The following NCKAP1L variants were observed in gnomAD, a reference collection of about 807,000 sequenced individuals.
NCKAP1L encodes nck-associated protein 1-like.
A neutral mutation model predicts 139.2 loss-of-function variants in NCKAP1L; 53 were observed. The ratio of observed to expected loss-of-function variants is 0.38; its 90% CI spans 0.31 to 0.48. The LOEUF (loss-of-function observed/expected upper bound fraction) is 0.48. Ranked by LOEUF, NCKAP1L falls within the 20% of genes least tolerant of loss-of-function variation. The pLI, the probability that NCKAP1L is intolerant of heterozygous loss-of-function variation, is 0.98. For synonymous variants in NCKAP1L, 468 were observed against 499.7 expected (o/e 0.94, Z 0.85); for missense variants, 1,151 against 1,381.9 (o/e 0.83, Z 2.65).
chr12:54,517,920 G>T lies in NCKAP1L; in HGVS notation c.1320G>T (p.Val440=). 6.2e-7 allele frequency: 1 copy of T among 1,614,114 alleles called. No individual in the cohort carries two copies. Among genetic ancestry groups the T allele is most frequent in the Non-Finnish European group, 8.5e-7 (1 of 1,180,034 alleles). The change falls in exon 13 of 31, where the codon GTG becomes GTT. Residue 440 remains valine (V), a synonymous_variant. Coordinates refer to ENST00000293373, the MANE Select transcript of NCKAP1L (RefSeq NM_005337.5). ...ACTTGGCAAGATTTGATGCTCTTGTGCTCAGTGACATCATTCAGGTATGAT... is the reference window on the plus strand; with the variant it reads ...ACTTGGCAAGATTTGATGCTCTTGTTCTCAGTGACATCATTCAGGTATGAT... ...LQYLARFDAL[V]LSDIIQNLSV...
chr12:54,536,967 T>C lies in NCKAP1L; in HGVS notation c.3097T>C (p.Leu1033=), dbSNP rs1957118629. The change falls in exon 29 of 31, where the codon TTG becomes CTG. Residue 1033 remains leucine (L), a synonymous_variant. Coordinates refer to ENST00000293373, the MANE Select transcript of NCKAP1L (RefSeq NM_005337.5). ...AGGTTACAACAACAATATTCATTGC[T>C]TGACCAAAGCCATCATCCAGGTGTC... The part of the protein sequence containing the change: ...KDGYNNNIHC[L]TKAIIQVSAA... 6.2e-7 allele frequency: 1 copy of C among 1,613,110 alleles called. No individual in the cohort carries two copies. The highest frequency in any genetic ancestry group is 1.1e-5 in the South Asian group (1 of 91,082).
rs766313854 is a variant in NCKAP1L at position 54,518,639 on chromosome 12, C to T, written c.1339-12C>T. The T allele has an allele frequency of 1.9e-6, 3 of 1,612,600 alleles. No individual in the cohort carries two copies. Among genetic ancestry groups the T allele is most frequent in the Non-Finnish European group, 2.5e-6 (3 of 1,178,578 alleles). On this transcript the variant is annotated splice_polypyrimidine_tract_variant and intron_variant, in intron 13 of 30. Transcript: ENST00000293373. ...TGTGCCCACTTGACAGTAACTGCAGCTCCTTTTTTAGAACTTGTCTGTGTG... is the reference window on the plus strand; with the variant it reads ...TGTGCCCACTTGACAGTAACTGCAGTTCCTTTTTTAGAACTTGTCTGTGTG...
rs1183198979 is a variant in NCKAP1L, at chr12:54,544,344, A to T, written c.*1659A>T. ...AGATCCCTCCTCCATCTGCATCTGC[A>T]TATAGAACTGCTTAAGAGGACAGCA... On this transcript the variant is annotated 3_prime_UTR_variant, in exon 31 of 31. Coordinates refer to ENST00000293373, the MANE Select transcript of NCKAP1L (RefSeq NM_005337.5). 6.6e-6 allele frequency: 1 copy of T among 152,184 alleles called. No individual in the cohort carries two copies. Among genetic ancestry groups the T allele is most frequent in the Non-Finnish European group, 1.5e-5 (1 of 68,020 alleles). 9.4% of individuals were successfully genotyped at this position (152,184 alleles called of 1,614,324 possible).
chr12:54,529,459 T>C (rs890874040), intron 22 of NCKAP1L, among the ~76,000 whole-genome samples: 1 of 152,204 alleles, frequency 6.6e-6, no homozygotes, highest in South Asian at 2.1e-4. Context: ...TCAGGGACGC[T>C]GCATAGTATC....
chr12:54,509,614 A>G, intron 5 of NCKAP1L, 55 bp from the exon 6 acceptor site: 18 of 1,216,884 alleles, frequency 1.5e-5, no homozygotes, highest in Admixed American at 1.7e-5. Flanking sequence ...CAAACATAAG[A>G]GTTCAAGTCA....
chr12:54,508,274 T>C, intron 4 of NCKAP1L, 115 bp from the exon 5 acceptor site: 1 of 1,120,656 alleles, frequency 8.9e-7, no homozygotes, highest in Non-Finnish European at 1.3e-6. Context: ...CAGTTCCTAC[T>C]TCTAAATAGA....
At chr12:54,517,490 T>C in intron 11 of NCKAP1L, 43 bp from the exon 12 acceptor site, 2 of 1,351,926 alleles carry the variant, frequency 1.5e-6, no homozygotes, top group Non-Finnish European at 2.1e-6. Flanking sequence ...TTGAAATCCA[T>C]TTTTAAAGTT....
chr12:54,503,024 C>A (rs75714972), intron 3 of NCKAP1L, among the ~76,000 whole-genome samples: 15,207 of 145,440 alleles, frequency 0.1, 1,006 homozygotes, highest in South Asian at 0.16. Context: ...AAAAAAGAAA[C>A]AAAACCCCAC....
chr12:54,535,306 A>T (rs560897069), intron 27 of NCKAP1L, 109 bp downstream of exon 27: 18 of 797,106 alleles, frequency 2.3e-5, no homozygotes, highest in Non-Finnish European at 3.5e-5. Context: ...ATATATTCAG[A>T]GGATATAAGC....
Position 54,508,385 on chromosome 12 carries a change from G to A in NCKAP1L, c.364-4G>A, listed in dbSNP as rs760198479. ...CCTTGGGTTCCTATGTATTTTCCTT[G>A]TAGAATCTCAACTTTGATTTCACTC... On this transcript the variant is annotated splice_region_variant and splice_polypyrimidine_tract_variant and intron_variant, in intron 4 of 30. Coordinates refer to ENST00000293373, the MANE Select transcript of NCKAP1L (RefSeq NM_005337.5). 2 of 1,613,976 alleles carry A rather than the reference G, an allele frequency of 1.2e-6. No individual in the cohort carries two copies. The highest frequency in any genetic ancestry group is 1.7e-6 in the Non-Finnish European group (2 of 1,179,906).
In NCKAP1L at chr12:54,547,035, C is replaced by G. The variant is rs917811667; in HGVS notation, c.*4350C>G. ...TAGGGGAGTGAGGAGGCAGAGCCTC[C>G]TAGGGGTAGGGGGCAGTTTAGAAGC... is the stretch of plus-strand genomic sequence containing the variant. On this transcript the variant is annotated 3_prime_UTR_variant, in exon 31 of 31. Coordinates refer to ENST00000293373, the MANE Select transcript of NCKAP1L (RefSeq NM_005337.5). The G allele has an allele frequency of 6.6e-6, 1 of 151,818 alleles. No individual in the cohort carries two copies. The highest frequency in any genetic ancestry group is 1.5e-5 in the Non-Finnish European group (1 of 67,938). 9.4% of individuals were successfully genotyped at this position (151,818 alleles called of 1,614,324 possible).
At chr12:54,540,058 T>G (rs1023541927) in intron 30 of NCKAP1L, among the ~76,000 whole-genome samples, 4 of 152,312 alleles carry the variant, frequency 2.6e-5, no homozygotes, top group African/African-American at 9.6e-5. Flanking sequence ...GGTGCAGAAC[T>G]TGGAGGAGCC....
intron 13 of NCKAP1L, among the ~76,000 whole-genome samples, chr12:54,518,232 C>T (rs1956949744): frequency 6.6e-6 from 1 of 152,024 alleles, no homozygotes; most frequent in Non-Finnish European, 1.5e-5. Flanking sequence ...GTCCCAGCTA[C>T]TCAGGAGGCT....
At chr12:54,499,159 T>C (rs1956775710) in intron 1 of NCKAP1L, among the ~76,000 whole-genome samples, 196 bp from the exon 2 acceptor site, 2 of 152,052 alleles carry the variant, frequency 1.3e-5, no homozygotes. Flanking sequence ...CTTCTGACCT[T>C]GTGATCTGCC....
In NCKAP1L at chr12:54,497,766, G is replaced by A. The variant is rs371094735; in HGVS notation, c.-24G>A. On this transcript the variant is annotated 5_prime_UTR_variant, in exon 1 of 31. Coordinates refer to ENST00000293373, the MANE Select transcript of NCKAP1L (RefSeq NM_005337.5). ...TTGGGGAGATCAGACATTGCTGTCT[G>A]GTGCTCCTCTCTCAGTGGCCATCAT... 1,826 of 1,485,414 alleles carry A rather than the reference G, an allele frequency of 1.2e-3. 5 individuals carry two copies. Among genetic ancestry groups the A allele is most frequent in the Non-Finnish European group, 1.6e-3 (1,678 of 1,063,424 alleles). 92.0% of individuals were successfully genotyped at this position (1,485,414 alleles called of 1,614,324 possible).
rs149801626 is a variant in NCKAP1L, at chr12:54,501,722, T to C, written c.306+1097T>C. On this transcript the variant is annotated intron_variant, in intron 3 of 30. Coordinates refer to ENST00000293373, the MANE Select transcript of NCKAP1L (RefSeq NM_005337.5). Reference sequence around the variant, plus strand: ...GGTATCCCCATGTTGGCCAGGGTGGTCTCAAACTCCTGGGCTCAAGCTATC... The same window carrying C: ...GGTATCCCCATGTTGGCCAGGGTGGCCTCAAACTCCTGGGCTCAAGCTATC... 4.7e-3 allele frequency among the ~76,000 whole-genome samples: 709 copies of C among 152,170 alleles called. 18 individuals are homozygous for C. Among genetic ancestry groups the C allele is most frequent in the East Asian group, 0.041 (210 of 5,172 alleles).
At position 54,523,359 on chromosome 12, in the gene NCKAP1L, C is replaced by A. The variant is rs199833259; in HGVS notation, c.1879-35C>A. The A allele has an allele frequency of 5.0e-6, 8 of 1,587,870 alleles. No individual in the cohort carries two copies. The East Asian group carries it at 1.8e-4, about 36-fold the overall frequency. ...GTCAGGTGCCGTTTTAGCAACAAAT[C>A]CCCTTTCTCCATTTACCTGTGTTTG... On this transcript the variant is annotated intron_variant, in intron 18 of 30. Transcript: ENST00000293373.
chr12:54,506,796 A>AATATATATATATATATAT lies in NCKAP1L; in HGVS notation c.307-1046_307-1029dup, dbSNP rs1171488876. Among the ~76,000 whole-genome samples, 241 of 50,554 alleles carry AATATATATATATATATAT rather than the reference A, an allele frequency of 4.8e-3. 1 individual carries two copies. Among genetic ancestry groups the AATATATATATATATATAT allele is most frequent in the Middle Eastern group, 0.011 (1 of 88 alleles). The allele number at this position is 50,554 out of a possible 152,430, so 33.2% of individuals were successfully genotyped here. On this transcript the variant is annotated intron_variant, in intron 3 of 30. Coordinates refer to ENST00000293373, the MANE Select transcript of NCKAP1L (RefSeq NM_005337.5). Reference sequence around the variant, plus strand: ...TTTTGGCAACATATTAAAAAAAAAAAATATATATATATATATATATATATA... The same window carrying AATATATATATATATATAT: ...TTTTGGCAACATATTAAAAAAAAAAAATATATATATATATATATATATATATATATATATATATATATA...
At chr12:54,528,894 C>T (rs550968578) in intron 22 of NCKAP1L, among the ~76,000 whole-genome samples, 2 of 152,174 alleles carry the variant, frequency 1.3e-5, no homozygotes, top group South Asian at 4.1e-4. Flanking sequence ...CTCAGCCTTC[C>T]AAAGCGCTGG....
Sources: gnomAD v4.1 joint callset for allele counts (sites outside exome capture counted in the v4.1 genomes callset) on GRCh38, gnomAD v4.1.1 for gene constraint, MANE v1.5 for transcripts, NCBI Gene and HGNC (gene_info 2026-07-23, HGNC 2026-07-21) for gene names.